NAV3: variants seen among roughly 807,000 people sequenced by gnomAD.
NAV3 encodes the protein pore membrane and/or filament interacting like protein 1.
NAV3 carries 87 observed loss-of-function variants against 244.7 expected under a neutral mutation model. That is an observed-to-expected ratio of 0.36 (90% CI 0.30 to 0.42). NAV3 has a LOEUF of 0.42. Ranked by LOEUF, NAV3 falls within the 20% of genes least tolerant of loss-of-function variation. The pLI is 1.00. For synonymous variants in NAV3, 1,126 were observed against 1,042.2 expected, an observed-to-expected ratio of 1.08 and a Z score of -1.55; for missense variants, 2,663 against 2,893.3, an observed-to-expected ratio of 0.92 and a Z score of 1.83.
At chr12:77,598,676 A>G (rs1870284473) in intron 2 of NAV3, among the ~76,000 whole-genome samples, 1 of 151,988 alleles carries the variant, frequency 6.6e-6, no homozygotes. Context: ...TACCAGAATC[A>G]AGGTAATAAA....
intron 1 of NAV3, among the ~76,000 whole-genome samples, chr12:77,920,505 G>A (rs2137163256): frequency 6.6e-6 from 1 of 151,920 alleles, no homozygotes; most frequent in East Asian, 1.9e-4. Context: ...AAATTTTATA[G>A]TACCAAAAAA....
chr12:77,942,380 T>A (rs1044042303), intron 3 of NAV3, among the ~76,000 whole-genome samples: 6 of 150,500 alleles, frequency 4.0e-5, no homozygotes, highest in Non-Finnish European at 8.9e-5. Flanking sequence ...CTCGAAAAAA[T>A]AAATAAATAA....
chr12:77,888,665 T>A (rs1463847269), intron 1 of NAV3, among the ~76,000 whole-genome samples: 1 of 152,178 alleles, frequency 6.6e-6, no homozygotes, highest in Non-Finnish European at 1.5e-5. Context: ...CAATTCCTGG[T>A]TGAATTATCT....
At chr12:77,788,352 G>C (rs893820335) in intron 2 of NAV3, among the ~76,000 whole-genome samples, 3 of 152,118 alleles carry the variant, frequency 2.0e-5, no homozygotes, top group Non-Finnish European at 4.4e-5. Flanking sequence ...GGCAGTGTTC[G>C]CCTTAAGTCA....
At chr12:78,201,403 T>C (rs542899954) in intron 38 of NAV3, among the ~76,000 whole-genome samples, 11 of 152,118 alleles carry the variant, frequency 7.2e-5, no homozygotes, top group African/African-American at 2.4e-4. Context: ...CAGGATCCTT[T>C]ACTATTTTGG....
chr12:77,705,309 A>G (rs1357834470), intron 2 of NAV3, among the ~76,000 whole-genome samples: 2 of 148,160 alleles, frequency 1.3e-5, no homozygotes, highest in African/African-American at 2.6e-5. Flanking sequence ...AATTCTAACT[A>G]TTTGGGAGGC....
rs1955017074 is a variant in NAV3 at position 78,110,195 on chromosome 12, T to A, written c.2637-6577T>A. 2.0e-5 allele frequency among the ~76,000 whole-genome samples: 3 copies of A among 152,006 alleles called. No homozygotes were observed. In the South Asian group the frequency reaches 6.2e-4, roughly 31 times the overall value. ...ATCAAGAAAGTGATCCCATTTAAATTAGCTACAAAAAATTAAAATACCTGG... is the reference window on the plus strand; with the variant it reads ...ATCAAGAAAGTGATCCCATTTAAATAAGCTACAAAAAATTAAAATACCTGG... On this transcript the variant is annotated intron_variant, in intron 12 of 39. Coordinates refer to ENST00000397909, the MANE Select transcript of NAV3 (RefSeq NM_001024383.2).
chr12:77,906,924 T>C (rs1257702758), intron 1 of NAV3, among the ~76,000 whole-genome samples: 1 of 152,138 alleles, frequency 6.6e-6, no homozygotes, highest in Admixed American at 6.6e-5. Context: ...CTTCTGTCAT[T>C]ACTTAATAGT....
chr12:77,872,046 G>C (rs1881046846), intron 1 of NAV3, among the ~76,000 whole-genome samples: 1 of 152,126 alleles, frequency 6.6e-6, no homozygotes, highest in African/African-American at 2.4e-5. Context: ...CGGTGATGAT[G>C]AGCTTTTTTT....
chr12:78,029,157 T>C (rs1433254776), intron 9 of NAV3, among the ~76,000 whole-genome samples: 3 of 143,736 alleles, frequency 2.1e-5, no homozygotes, highest in Non-Finnish European at 4.5e-5. Context: ...AGAAAAACAA[T>C]GGTGTCTGAC....
chr12:77,672,713 C>G (rs536052679), intron 2 of NAV3, among the ~76,000 whole-genome samples: 3 of 152,026 alleles, frequency 2.0e-5, no homozygotes, highest in South Asian at 2.1e-4. Context: ...GGATAAATGA[C>G]TATACATTGG....
intron 1 of NAV3, among the ~76,000 whole-genome samples, chr12:77,892,711 G>A (rs1429449914): frequency 2.0e-5 from 3 of 152,084 alleles, no homozygotes; most frequent in Non-Finnish European, 2.9e-5. Flanking sequence ...CACTGCGCCC[G>A]GCCCAACTAT....
intron 15 of NAV3, among the ~76,000 whole-genome samples, chr12:78,121,024 G>A (rs1344003961): frequency 6.6e-6 from 1 of 152,120 alleles, no homozygotes; most frequent in Non-Finnish European, 1.5e-5. Context: ...TATAGGGAGA[G>A]TAAATATTTC....
chr12:78,049,387 A>G (rs1164712103), intron 9 of NAV3, among the ~76,000 whole-genome samples: 2 of 152,150 alleles, frequency 1.3e-5, no homozygotes, highest in African/African-American at 4.8e-5. Flanking sequence ...AGACTGTGGG[A>G]AAAGCATAGT....
chr12:77,625,253 TTA>T (rs938519294), intron 2 of NAV3, among the ~76,000 whole-genome samples: 2 of 152,298 alleles, frequency 1.3e-5, no homozygotes, highest in Admixed American at 1.3e-4. Context: ...GAATAACATG[TTA>T]TATGTTTATT....
intron 9 of NAV3, among the ~76,000 whole-genome samples, chr12:78,031,363 T>C (rs1041647195): frequency 1.6e-4 from 24 of 152,242 alleles, no homozygotes; most frequent in African/African-American, 5.8e-4. Context: ...TCTGCTCATG[T>C]GATCTAACTG....
upstream of NAV3, among the ~76,000 whole-genome samples, chr12:77,830,025 A>G (rs1423707228): frequency 4.6e-5 from 7 of 152,156 alleles, no homozygotes. Flanking sequence ...CTCTGTATCC[A>G]TTTTCTGAGT....
At chr12:77,985,191 C>T (rs1312627386) in intron 5 of NAV3, among the ~76,000 whole-genome samples, 2 of 152,202 alleles carry the variant, frequency 1.3e-5, no homozygotes, top group East Asian at 1.9e-4. Context: ...ACAGTAACCT[C>T]TGTGGGCTTT....
At chr12:78,066,760 G>A (rs1246646272) in intron 12 of NAV3, among the ~76,000 whole-genome samples, 1 of 151,982 alleles carries the variant, frequency 6.6e-6, no homozygotes, top group Non-Finnish European at 1.5e-5. Context: ...ACTACTTGAT[G>A]GATTGTTTTG....
Sources: allele counts gnomAD v4.1 joint callset (sites outside exome capture counted in the v4.1 genomes callset), GRCh38; gene constraint gnomAD v4.1.1; transcripts MANE v1.5; gene names NCBI Gene and HGNC (gene_info 2026-07-23, HGNC 2026-07-21).